The following CNDP2 variants were observed in gnomAD, a reference collection of about 807,000 sequenced individuals.
The protein encoded by CNDP2 is cytosolic non-specific dipeptidase.
A neutral mutation model predicts 55.0 loss-of-function variants in CNDP2; 38 were observed. The ratio of observed to expected loss-of-function variants is 0.69; its 90% CI spans 0.53 to 0.90. The LOEUF is 0.90. Among genes scored for constraint, CNDP2 ranks in the 40% least tolerant of loss-of-function variants. The probability of loss-of-function intolerance (pLI) is 0.00; values close to 1 mark genes in which losing one functional copy is unlikely to be tolerated. For missense variants in CNDP2, 607 were observed against 621.7 expected (o/e 0.98, Z 0.25); for synonymous variants, 241 against 260.2 (o/e 0.93, Z 0.71).
intron 3 of CNDP2, among the ~76,000 whole-genome samples, chr18:74,503,590 T>G (rs1485452663): frequency 6.6e-6 from 1 of 152,268 alleles, no homozygotes; most frequent in African/African-American, 2.4e-5. Context: ...AGAGAAAATC[T>G]GTGGTCATTT....
intron 3 of CNDP2, among the ~76,000 whole-genome samples, chr18:74,502,257 C>G (rs1246912846): frequency 6.6e-6 from 1 of 152,168 alleles, no homozygotes; most frequent in East Asian, 1.9e-4. Flanking sequence ...TGTTTTCTTG[C>G]TAAATGAACA....
In CNDP2 at chr18:74,520,138, C is replaced by T. The variant is rs1364677099; in HGVS notation, c.*70C>T. 1.3e-5 allele frequency: 19 copies of T among 1,492,822 alleles called. No individual in the cohort carries two copies. The highest frequency in any genetic ancestry group is 1.8e-5 in the Non-Finnish European group (19 of 1,073,648). The allele number at this position is 1,492,822 out of a possible 1,614,324, so 92.5% of individuals were successfully genotyped here. On this transcript the variant is annotated 3_prime_UTR_variant, in exon 12 of 12. Coordinates refer to ENST00000324262, the MANE Select transcript of CNDP2 (RefSeq NM_018235.3). ...CTCACCTCACCCTTTTCCAACTTGC[C>T]CAGGGAAGTGGAGGTTCCCTCTTTC...
intron 9 of CNDP2, chr18:74,517,291 C>T (rs1421633663): frequency 6.6e-6 from 1 of 152,222 alleles, no homozygotes; most frequent in Admixed American, 6.5e-5. Flanking sequence ...AGGCGCCTCA[C>T]TGAGGAATGC....
chr18:74,518,938 T>TA lies in CNDP2; in HGVS notation c.1211-11_1211-10insA. Reference sequence around the variant, plus strand: ...AAAGCTCACCGTTTATTTTATTTCATTTCCCCCCAGTTTTTGGTGTTGAGC... The same window carrying TA: ...AAAGCTCACCGTTTATTTTATTTCATATTCCCCCCAGTTTTTGGTGTTGAGC... On this transcript the variant is annotated splice_polypyrimidine_tract_variant and intron_variant, in intron 10 of 11. Transcript: ENST00000324262. 6.5e-7 allele frequency: 1 copy of TA among 1,531,282 alleles called. No individual in the cohort carries two copies. Among genetic ancestry groups the TA allele is most frequent in the Non-Finnish European group, 8.7e-7 (1 of 1,145,318 alleles). 94.9% of individuals were successfully genotyped at this position (1,531,282 alleles called of 1,614,324 possible).
chr18:74,499,942 T>G lies in CNDP2; in HGVS notation c.-32T>G. ...CAGTTGCTCTTCCTTCCAAGAACCT[T>G]CGAGATCTGCGGTCTGGGGTCTGGT... On this transcript the variant is annotated 5_prime_UTR_variant, in exon 2 of 12. Coordinates refer to ENST00000324262, the MANE Select transcript of CNDP2 (RefSeq NM_018235.3). 1.9e-6 allele frequency: 3 copies of G among 1,610,614 alleles called. No individual in the cohort carries two copies. The highest frequency in any genetic ancestry group is 2.5e-6 in the Non-Finnish European group (3 of 1,176,988).
intron 8 of CNDP2, 91 bp from the exon 9 acceptor site, chr18:74,516,137 A>T: frequency 7.1e-7 from 1 of 1,411,458 alleles, no homozygotes; most frequent in South Asian, 1.3e-5. Context: ...CATACCGCTC[A>T]TTTCCCAGAC....
intron 3 of CNDP2, chr18:74,504,860 T>C (rs895821356): frequency 6.6e-6 from 1 of 152,222 alleles, no homozygotes; most frequent in African/African-American, 2.4e-5. Flanking sequence ...ACAGGAGTTT[T>C]GCACAGCCTG....
chr18:74,507,615 C>G (rs939302036), intron 4 of CNDP2: 2 of 152,714 alleles, frequency 1.3e-5, no homozygotes, highest in African/African-American at 4.8e-5. Flanking sequence ...GGAGCCTGTG[C>G]TGCTCAAAAC....
chr18:74,515,863 T>A (rs1979634173), intron 8 of CNDP2, among the ~76,000 whole-genome samples: 1 of 152,216 alleles, frequency 6.6e-6, no homozygotes, highest in Non-Finnish European at 1.5e-5. Context: ...CTCTTACTCC[T>A]GGTGCCTCTG....
intron 4 of CNDP2, 100 bp from the exon 5 acceptor site, chr18:74,508,740 T>C (rs1979173214): frequency 1.4e-5 from 12 of 868,796 alleles, no homozygotes; most frequent in Admixed American, 1.4e-4. Context: ...GCCTCTCTCG[T>C]GTTTGCTTGG....
At chr18:74,512,730 A>G (rs865826107) in intron 7 of CNDP2, among the ~76,000 whole-genome samples, 198 bp downstream of exon 7, 7 of 150,532 alleles carry the variant, frequency 4.7e-5, no homozygotes, top group Non-Finnish European at 8.9e-5. Flanking sequence ...TGCCCCTGAA[A>G]CCCTCCTGTG....
At chr18:74,502,585 G>A (rs1160182674) in intron 3 of CNDP2, among the ~76,000 whole-genome samples, 4 of 151,524 alleles carry the variant, frequency 2.6e-5, no homozygotes, top group Non-Finnish European at 5.9e-5. Flanking sequence ...CACCATACCC[G>A]GCCTCTTACT....
At position 74,510,789 on chromosome 18, in the gene CNDP2, A is replaced by G. The variant is rs751997697; in HGVS notation, c.457-24A>G. On this transcript the variant is annotated intron_variant, in intron 5 of 11. Coordinates refer to ENST00000324262, the MANE Select transcript of CNDP2 (RefSeq NM_018235.3). ...GGAAGGTTCGCAAAGCTGAATATCC[A>G]CTCGTGCTGTTCCCTTCTCACAGGA... 5.1e-5 allele frequency: 81 copies of G among 1,598,780 alleles called. No homozygotes were observed. In the Admixed American group the frequency reaches 8.6e-4, roughly 17 times the overall value.
At chr18:74,497,079 A>T (rs1568275480) in intron 1 of CNDP2, among the ~76,000 whole-genome samples, 1 of 152,150 alleles carries the variant, frequency 6.6e-6, no homozygotes, top group Admixed American at 6.5e-5. Context: ...CATCTGTGAA[A>T]TAGAGACAAT....
intron 4 of CNDP2, chr18:74,507,901 T>C (rs770503148): frequency 6.6e-6 from 1 of 152,230 alleles, no homozygotes; most frequent in Non-Finnish European, 1.5e-5. Flanking sequence ...AGTTGTTCAG[T>C]GTTTGTTGTA....
chr18:74,507,231 G>A (rs73971265), intron 4 of CNDP2: 10,514 of 152,348 alleles, frequency 0.069, 767 homozygotes, highest in African/African-American at 0.19. Flanking sequence ...CGCTCTCTCT[G>A]GACAGAAGTC....
intron 2 of CNDP2, among the ~76,000 whole-genome samples, chr18:74,500,410 C>T (rs1055247627): frequency 3.9e-5 from 6 of 152,162 alleles, no homozygotes; most frequent in African/African-American, 7.2e-5. Context: ...ACATACATTA[C>T]AGATGAAATC....
At chr18:74,504,341 C>T (rs57069472) in intron 3 of CNDP2, among the ~76,000 whole-genome samples, 2,533 of 152,058 alleles carry the variant, frequency 0.017, 21 homozygotes, top group African/African-American at 0.057. Context: ...ACACTGCACA[C>T]GCAGCCACAC....
rs1250427277 is a variant in CNDP2, at chr18:74,521,163, A to G, written c.*1095A>G. 6.6e-6 allele frequency: 1 copy of G among 152,278 alleles called. No homozygotes were observed. The highest frequency in any genetic ancestry group is 2.4e-5 in the African/African-American group (1 of 41,452). The allele number at this position is 152,278 out of a possible 1,614,324, so 9.4% of individuals were successfully genotyped here. On this transcript the variant is annotated 3_prime_UTR_variant, in exon 12 of 12. Transcript: ENST00000324262. ...CTCAGTTGCTCGTCGCGTGCACACC[A>G]TGCTTATTGAGTGGTGTCTGGTTGG... is the stretch of plus-strand genomic sequence containing the variant.
Sources: gnomAD v4.1 joint callset for allele counts (sites outside exome capture counted in the v4.1 genomes callset) on GRCh38, gnomAD v4.1.1 for gene constraint, MANE v1.5 for transcripts, NCBI Gene and HGNC (gene_info 2026-07-23, HGNC 2026-07-21) for gene names.